Variants in U2SURP observed in about 807,000 individuals in gnomAD.
The protein encoded by U2SURP is U2 snRNP-associated SURP motif-containing protein.
A neutral mutation model predicts 144.9 loss-of-function variants in U2SURP; 9 were observed. The observed-to-expected ratio is 0.06, with a 90% confidence interval of 0.04 to 0.11. The LOEUF (loss-of-function observed/expected upper bound fraction) is 0.11, where lower values mean the gene tolerates loss of function less well. Among genes scored for constraint, U2SURP ranks in the 10% least tolerant of loss-of-function variants. U2SURP has a pLI of 1.00. For missense variants in U2SURP, 724 were observed against 1,226.7 expected (o/e 0.59, Z 6.12); for synonymous variants, 408 against 396.8 (o/e 1.03, Z -0.33).
intron 7 of U2SURP, 103 bp downstream of exon 7, chr3:143,020,139 C>G (rs1379445478): frequency 4.7e-6 from 3 of 642,436 alleles, no homozygotes; most frequent in Admixed American, 7.9e-5. Context: ...TTATTACTAA[C>G]CAGTTTGCTA....
intron 13 of U2SURP, among the ~76,000 whole-genome samples, chr3:143,024,906 G>C (rs1240320903): frequency 6.7e-6 from 1 of 148,604 alleles, no homozygotes; most frequent in African/African-American, 2.5e-5. Context: ...TTTTTTTTTT[G>C]GTTATTGTTG....
intron 3 of U2SURP, 71 bp from the exon 4 acceptor site, chr3:143,014,240 C>T (rs1312543080): frequency 2.1e-6 from 2 of 947,600 alleles, no homozygotes; most frequent in Admixed American, 6.2e-5. Flanking sequence ...ACTTAGTTAT[C>T]AGTTGATGTG....
chr3:143,004,573 A>ACCCCCCCCTC (rs1935729283), intron 1 of U2SURP, among the ~76,000 whole-genome samples: 1 of 48,592 alleles, frequency 2.1e-5, no homozygotes, highest in African/African-American at 1.2e-4. Flanking sequence ...TGACCTTGTG[A>ACCCCCCCCTC]CCCCCCCCCC....
chr3:143,050,868 A>C (rs765471104), intron 24 of U2SURP, 71 bp from the exon 25 acceptor site: 11 of 1,070,212 alleles, frequency 1.0e-5, no homozygotes, highest in South Asian at 1.5e-5. Flanking sequence ...TTGCTATAGA[A>C]AAGAAGCAAA....
rs191244256 is a variant in U2SURP at position 143,041,243 on chromosome 3, A to G, written c.2385-1874A>G. Among the ~76,000 whole-genome samples the G allele has an allele frequency of 5.3e-5, 8 of 152,064 alleles. No homozygotes were observed. In the East Asian group the frequency reaches 1.5e-3, roughly 29 times the overall value. Reference sequence around the variant, plus strand: ...CATAAACACACATACACTTCAATCTAAAAGCATCTGAAACACTTGTATAAT... The same window carrying G: ...CATAAACACACATACACTTCAATCTGAAAGCATCTGAAACACTTGTATAAT... On this transcript the variant is annotated intron_variant, in intron 23 of 27. Coordinates refer to ENST00000473835, the MANE Select transcript of U2SURP (RefSeq NM_001080415.2).
In U2SURP at chr3:143,024,007, C is replaced by T; in HGVS notation, c.1263C>T (p.Ile421=). Reference sequence around the variant, plus strand: ...CGCAAGCCATAGTCAAAGTGGTTATCCCAACAGAAAGGTACATGTTTTTCT... The same window carrying T: ...CGCAAGCCATAGTCAAAGTGGTTATTCCAACAGAAAGGTACATGTTTTTCT... ...TLSQAIVKVV[I]PTERNLLALI... Residue 421 remains isoleucine, a synonymous_variant, in exon 13 of 28, where the codon ATC becomes ATT. Coordinates refer to ENST00000473835, the MANE Select transcript of U2SURP (RefSeq NM_001080415.2). 1 of 1,612,784 alleles carries T rather than the reference C, an allele frequency of 6.2e-7. No individual in the cohort carries two copies. Among genetic ancestry groups the T allele is most frequent in the Non-Finnish European group, 8.5e-7 (1 of 1,179,050 alleles).
At chr3:143,026,980 C>G (rs1278778031) in intron 13 of U2SURP, 169 bp from the exon 14 acceptor site, 1 of 553,538 alleles carries the variant, frequency 1.8e-6, no homozygotes, top group Non-Finnish European at 3.2e-6. Context: ...CCCACACCCT[C>G]TTAATGCACA....
intron 2 of U2SURP, among the ~76,000 whole-genome samples, chr3:143,011,080 T>C (rs929272927): frequency 2.0e-5 from 3 of 152,148 alleles, no homozygotes; most frequent in Non-Finnish European, 4.4e-5. Flanking sequence ...TATATTTCCT[T>C]ATGATTTTTA....
chr3:143,014,623 T>C (rs1258649484), intron 4 of U2SURP, among the ~76,000 whole-genome samples: 1 of 152,076 alleles, frequency 6.6e-6, no homozygotes, highest in African/African-American at 2.4e-5. Flanking sequence ...GTTATAGTTT[T>C]GGCTATTTTC....
At position 143,053,795 on chromosome 3, in the gene U2SURP, G is replaced by GTA; in HGVS notation, c.2774+4_2774+5dup. The GTA allele has an allele frequency of 6.3e-7, 1 of 1,575,556 alleles. No homozygotes were observed. Among genetic ancestry groups the GTA allele is most frequent in the Non-Finnish European group, 8.6e-7 (1 of 1,165,470 alleles). On this transcript the variant is annotated splice_donor_variant, in intron 26 of 27. Transcript: ENST00000473835. LOFTEE classifies it high-confidence loss of function. ...AGTGTACTCCGACAAGGAAGGAAAG[G>GTA]TATAACATTTCTCATATTTAATTGC...
intron 6 of U2SURP, among the ~76,000 whole-genome samples, chr3:143,019,509 G>C (rs891380616): frequency 2.0e-5 from 3 of 152,174 alleles, no homozygotes; most frequent in Admixed American, 1.3e-4. Flanking sequence ...TAGATATTCA[G>C]TTGTCCAAGC....
At chr3:143,038,840 G>GA (rs1428809296) in intron 22 of U2SURP, 54 bp from the exon 23 acceptor site, 2 of 1,372,786 alleles carry the variant, frequency 1.5e-6, no homozygotes, top group Non-Finnish European at 9.8e-7. Flanking sequence ...CTGTACTACT[G>GA]AAAAAATGCT....
intron 20 of U2SURP, 97 bp downstream of exon 20, chr3:143,036,201 T>A: frequency 2.3e-6 from 3 of 1,313,266 alleles, no homozygotes; most frequent in Non-Finnish European, 3.0e-6. Flanking sequence ...GGTACATTTC[T>A]TTGTGAAAAA....
Position 143,022,514 on chromosome 3 carries a change from G to C in U2SURP, c.870G>C (p.Leu290=). Reference sequence around the variant, plus strand: ...TTTAATAGATGAATGAAGAAATGCTGTGCCAAGAATTTGGAAGATTTGGAC... The same window carrying C: ...TTTAATAGATGAATGAAGAAATGCTCTGCCAAGAATTTGGAAGATTTGGAC... ...NINPQMNEEM[L]CQEFGRFGPL... Residue 290 remains leucine (L), a synonymous_variant, in exon 11 of 28, where the codon CTG becomes CTC. Coordinates refer to ENST00000473835, the MANE Select transcript of U2SURP (RefSeq NM_001080415.2). 1 of 1,571,552 alleles carries C rather than the reference G, an allele frequency of 6.4e-7. No individual in the cohort carries two copies. Among genetic ancestry groups the C allele is most frequent in the Non-Finnish European group, 8.6e-7 (1 of 1,158,960 alleles).
intron 20 of U2SURP, chr3:143,036,899 G>A (rs1827159): frequency 0.66 from 242,265 of 367,544 alleles, 80,884 homozygotes; most frequent in African/African-American, 0.78. Context: ...CAAAACAACA[G>A]CAAAAACCTT....
At chr3:143,032,729 A>C in intron 16 of U2SURP, 55 bp from the exon 17 acceptor site, 1 of 1,480,246 alleles carries the variant, frequency 6.8e-7, no homozygotes, top group Admixed American at 1.9e-5. Flanking sequence ...CAAAAGCTAC[A>C]ATGGCATTTG....
At chr3:143,008,889 T>G (rs1935978169) in intron 1 of U2SURP, among the ~76,000 whole-genome samples, 1 of 152,098 alleles carries the variant, frequency 6.6e-6, no homozygotes, top group Non-Finnish European at 1.5e-5. Flanking sequence ...CCTCAGCGAG[T>G]AGCTGGGACT....
intron 13 of U2SURP, among the ~76,000 whole-genome samples, chr3:143,024,982 C>T (rs899155339): frequency 2.0e-5 from 3 of 151,494 alleles, no homozygotes; most frequent in Non-Finnish European, 2.9e-5. Context: ...TCTTTTTGTA[C>T]TACACTGTTT....
intron 1 of U2SURP, among the ~76,000 whole-genome samples, chr3:143,010,364 A>G (rs1218143447): frequency 6.6e-6 from 1 of 152,220 alleles, no homozygotes; most frequent in Non-Finnish European, 1.5e-5. Context: ...GTACCTTTTA[A>G]TAGACAGCAA....
Sources: gnomAD v4.1 joint callset for allele counts (sites outside exome capture counted in the v4.1 genomes callset) on GRCh38, gnomAD v4.1.1 for gene constraint, MANE v1.5 for transcripts, NCBI Gene and HGNC (gene_info 2026-07-23, HGNC 2026-07-21) for gene names.